Variants in GRIP1 observed in about 807,000 individuals in gnomAD.
GRIP1 encodes the protein glutamate receptor-interacting protein 1.
Under a neutral mutation model 129.9 loss-of-function variants are expected in GRIP1, and 45 were observed. That is an observed-to-expected ratio of 0.35 (90% confidence interval 0.27 to 0.44). GRIP1 has a LOEUF of 0.44. GRIP1 is among the 20% of genes least tolerant of loss of function. GRIP1 has a pLI of 1.00. For missense variants in GRIP1, 1,196 were observed against 1,396.8 expected (o/e 0.86, Z 2.29); for synonymous variants, 530 against 520.8 (o/e 1.02, Z -0.24).
At chr12:66,375,942 C>G (rs2055764276) in intron 22 of GRIP1, among the ~76,000 whole-genome samples, 1 of 152,202 alleles carries the variant, frequency 6.6e-6, no homozygotes, top group Non-Finnish European at 1.5e-5. Flanking sequence ...GTGAATTGTG[C>G]TCGTTACTCA....
chr12:66,533,855 ACACACACT>A (rs376925134), intron 4 of GRIP1, among the ~76,000 whole-genome samples: 13 of 125,794 alleles, frequency 1.0e-4, no homozygotes, highest in African/African-American at 3.9e-4. Context: ...ACACACACAC[ACACACACT>A]CACACACACA....
chr12:66,515,458 C>T (rs2138924934), intron 7 of GRIP1, among the ~76,000 whole-genome samples, 161 bp downstream of exon 7: 1 of 152,252 alleles, frequency 6.6e-6, no homozygotes, highest in African/African-American at 2.4e-5. Context: ...TACAGCCACT[C>T]ACATATTCCT....
chr12:66,932,391 A>G (rs1592360490), intron 1 of GRIP1, among the ~76,000 whole-genome samples: 4 of 152,334 alleles, frequency 2.6e-5, no homozygotes, highest in African/African-American at 9.6e-5. Context: ...CTATCACTCT[A>G]TGAACTAATT....
At chr12:66,445,167 C>G (rs535262464) in intron 12 of GRIP1, among the ~76,000 whole-genome samples, 155 bp downstream of exon 12, 8 of 152,312 alleles carry the variant, frequency 5.3e-5, no homozygotes, top group Non-Finnish European at 1.2e-4. Context: ...CTTTTCAAAC[C>G]TGATCAAGAA....
At chr12:66,464,699 A>G (rs1371580159) in intron 8 of GRIP1, among the ~76,000 whole-genome samples, 1 of 152,106 alleles carries the variant, frequency 6.6e-6, no homozygotes, top group African/African-American at 2.4e-5. Flanking sequence ...TAAAGGCCAC[A>G]CCAAACATCT....
chr12:66,955,979 G>A (rs373707071), intron 1 of GRIP1, among the ~76,000 whole-genome samples: 1 of 152,186 alleles, frequency 6.6e-6, no homozygotes, highest in Middle Eastern at 3.2e-3. Flanking sequence ...TTTAAAATAA[G>A]TTTGGATTTA....
chr12:66,635,130 T>C (rs1251726621), intron 1 of GRIP1, among the ~76,000 whole-genome samples: 1 of 152,076 alleles, frequency 6.6e-6, no homozygotes, highest in Non-Finnish European at 1.5e-5. Flanking sequence ...TTAAAATACA[T>C]AGTTTGGGTC....
At chr12:66,373,316 T>C (rs1029191049) in intron 22 of GRIP1, among the ~76,000 whole-genome samples, 33 of 152,174 alleles carry the variant, frequency 2.2e-4, no homozygotes, top group African/African-American at 7.2e-4. Flanking sequence ...CTGGAACTCC[T>C]GACCTCAAGT....
chr12:66,610,228 A>G (rs2064733587), intron 1 of GRIP1, among the ~76,000 whole-genome samples: 1 of 151,322 alleles, frequency 6.6e-6, no homozygotes. Context: ...ACACACACGC[A>G]TATATATATA....
chr12:67,021,090 C>T (rs1241024294), intron 1 of GRIP1, among the ~76,000 whole-genome samples: 7 of 151,844 alleles, frequency 4.6e-5, no homozygotes, highest in African/African-American at 1.5e-4. Flanking sequence ...AGAGCAAGAC[C>T]GTGTCTCAAA....
At chr12:66,827,385 TGTGAGAGA>T (rs1412283604) in intron 1 of GRIP1, among the ~76,000 whole-genome samples, 854 of 71,568 alleles carry the variant, frequency 0.012, 7 homozygotes, top group Admixed American at 0.015. Context: ...TGTGTGTGTG[TGTGAGAGA>T]GAGAGAGAGA....
intron 1 of GRIP1, among the ~76,000 whole-genome samples, chr12:66,896,942 G>A (rs902964351): frequency 6.6e-5 from 10 of 152,300 alleles, no homozygotes; most frequent in African/African-American, 1.4e-4. Flanking sequence ...GACCTGTTCC[G>A]AAGGCAACAC....
intron 1 of GRIP1, among the ~76,000 whole-genome samples, chr12:66,860,723 C>A (rs1285078102): frequency 6.6e-6 from 1 of 151,978 alleles, no homozygotes; most frequent in Non-Finnish European, 1.5e-5. Flanking sequence ...TTTAATGTGA[C>A]TATGAATCAC....
At chr12:66,565,818 T>C (rs1439849423) in intron 2 of GRIP1, among the ~76,000 whole-genome samples, 1 of 152,186 alleles carries the variant, frequency 6.6e-6, no homozygotes, top group Non-Finnish European at 1.5e-5. Flanking sequence ...TGGTTTGTAG[T>C]TCTCCTTGAA....
chr12:67,010,367 T>G (rs1401243006), intron 1 of GRIP1, among the ~76,000 whole-genome samples: 2 of 152,068 alleles, frequency 1.3e-5, no homozygotes. Context: ...TAAATCTGAG[T>G]TAACAGTATT....
intron 1 of GRIP1, among the ~76,000 whole-genome samples, chr12:67,056,993 T>C (rs762190904): frequency 6.6e-6 from 1 of 152,064 alleles, no homozygotes; most frequent in Non-Finnish European, 1.5e-5. Context: ...ATATGTTTAG[T>C]AGAGACAGGG....
At chr12:66,389,752 T>G (rs2137487179) in intron 19 of GRIP1, among the ~76,000 whole-genome samples, 2 of 152,328 alleles carry the variant, frequency 1.3e-5, no homozygotes, top group South Asian at 4.1e-4. Flanking sequence ...GTGACCAGCT[T>G]GCTTTGCTCC....
chr12:66,645,118 A>G (rs1047166883), intron 1 of GRIP1, among the ~76,000 whole-genome samples: 8 of 152,230 alleles, frequency 5.3e-5, no homozygotes, highest in Non-Finnish European at 8.8e-5. Flanking sequence ...ACTTCTACAA[A>G]TAACAATTTT....
chr12:66,488,021 G>A (rs371183712), intron 7 of GRIP1, among the ~76,000 whole-genome samples: 1 of 152,074 alleles, frequency 6.6e-6, no homozygotes, highest in African/African-American at 2.4e-5. Context: ...CTCCCACACA[G>A]TAATAGTGGG....
Sources: gnomAD v4.1 joint callset for allele counts (sites outside exome capture counted in the v4.1 genomes callset) on GRCh38, gnomAD v4.1.1 for gene constraint, MANE v1.5 for transcripts, NCBI Gene and HGNC (gene_info 2026-07-23, HGNC 2026-07-21) for gene names.